Variants in LRRTM4 observed in about 807,000 individuals in gnomAD.
The protein encoded by LRRTM4 is leucine rich repeat transmembrane neuronal 4.
Under a neutral mutation model 47.6 loss-of-function variants are expected in LRRTM4, and 25 were observed. That is an observed-to-expected ratio of 0.53 (90% CI 0.38 to 0.73). LRRTM4 has a LOEUF of 0.73. LRRTM4 is among the 30% of genes least tolerant of loss of function. The pLI is 0.00. For synonymous variants in LRRTM4, 311 were observed against 269.5 expected (o/e 1.15, Z -1.51); for missense variants, 638 against 713.4 (o/e 0.89, Z 1.20).
At chr2:76,991,067 A>G (rs543378723) in intron 3 of LRRTM4, among the ~76,000 whole-genome samples, 3 of 151,958 alleles carry the variant, frequency 2.0e-5, no homozygotes, top group Non-Finnish European at 4.4e-5. Context: ...AAAGAAAATT[A>G]AGGCAGAAAG....
intron 3 of LRRTM4, among the ~76,000 whole-genome samples, chr2:77,063,829 G>A (rs1489289399): frequency 6.6e-6 from 1 of 151,916 alleles, no homozygotes; most frequent in Non-Finnish European, 1.5e-5. Context: ...CCTTCTCTTT[G>A]TGTTCTTCCC....
At chr2:76,794,321 A>ATTT (rs1675142044) in intron 3 of LRRTM4, among the ~76,000 whole-genome samples, 1 of 152,190 alleles carries the variant, frequency 6.6e-6, no homozygotes, top group Non-Finnish European at 1.5e-5. Context: ...TATGAAAGGA[A>ATTT]GTTATGTGTC....
intron 3 of LRRTM4, among the ~76,000 whole-genome samples, chr2:76,974,209 TAC>T (rs200336947): frequency 9.6e-5 from 7 of 73,030 alleles, no homozygotes; most frequent in African/African-American, 1.8e-4. Context: ...TATATATATA[TAC>T]ACATATATAT....
intron 3 of LRRTM4, among the ~76,000 whole-genome samples, chr2:76,879,437 T>A (rs1407649995): frequency 3.3e-5 from 5 of 152,200 alleles, no homozygotes; most frequent in Non-Finnish European, 5.9e-5. Context: ...CAACAAGGCC[T>A]AGAAGACAGA....
chr2:76,797,792 C>G (rs1172797097), intron 3 of LRRTM4, among the ~76,000 whole-genome samples: 2 of 149,754 alleles, frequency 1.3e-5, no homozygotes, highest in African/African-American at 5.0e-5. Flanking sequence ...CAATGGAAAA[C>G]AAAAAAAGGC....
At chr2:76,994,429 T>G (rs1316267635) in intron 3 of LRRTM4, among the ~76,000 whole-genome samples, 1 of 151,908 alleles carries the variant, frequency 6.6e-6, no homozygotes, top group Non-Finnish European at 1.5e-5. Context: ...TGCATTTCCT[T>G]AGTAGGATTG....
intron 3 of LRRTM4, among the ~76,000 whole-genome samples, chr2:77,200,869 C>G (rs1203743064): frequency 6.6e-6 from 1 of 152,096 alleles, no homozygotes; most frequent in Non-Finnish European, 1.5e-5. Context: ...TTATGACTTA[C>G]CACTTGCAAA....
At chr2:77,015,623 G>A (rs761092353) in intron 3 of LRRTM4, among the ~76,000 whole-genome samples, 18 of 151,406 alleles carry the variant, frequency 1.2e-4, no homozygotes, top group African/African-American at 2.4e-4. Context: ...CATGCCCGGC[G>A]GAAGTTTTAC....
At chr2:77,216,810 T>C (rs13411860) in intron 3 of LRRTM4, among the ~76,000 whole-genome samples, 30,415 of 149,392 alleles carry the variant, frequency 0.2, 5,887 homozygotes, top group African/African-American at 0.51. Context: ...CGGTGGCTCA[T>C]GCCTGTAATC....
At chr2:76,981,571 T>A (rs1573399632) in intron 3 of LRRTM4, among the ~76,000 whole-genome samples, 2 of 152,102 alleles carry the variant, frequency 1.3e-5, no homozygotes, top group Non-Finnish European at 2.9e-5. Context: ...CATAGCTCAC[T>A]GCAGCCTCAA....
At chr2:76,819,128 T>C (rs935189927) in intron 3 of LRRTM4, among the ~76,000 whole-genome samples, 5 of 151,700 alleles carry the variant, frequency 3.3e-5, no homozygotes, top group Non-Finnish European at 7.4e-5. Context: ...ATAACTAAAA[T>C]AAAGCTAAAT....
At chr2:76,945,136 T>C (rs968047936) in intron 3 of LRRTM4, among the ~76,000 whole-genome samples, 2 of 152,074 alleles carry the variant, frequency 1.3e-5, no homozygotes, top group African/African-American at 4.8e-5. Context: ...AAAATATAAG[T>C]ATGTAAAGGG....
chr2:76,943,967 A>C (rs1029323130), intron 3 of LRRTM4, among the ~76,000 whole-genome samples: 2 of 152,116 alleles, frequency 1.3e-5, no homozygotes, highest in African/African-American at 4.8e-5. Flanking sequence ...GACTATTTTT[A>C]AAGTTTTTTC....
intron 3 of LRRTM4, among the ~76,000 whole-genome samples, chr2:77,058,875 A>C (rs1679694399): frequency 6.6e-6 from 1 of 152,126 alleles, no homozygotes; most frequent in Non-Finnish European, 1.5e-5. Context: ...GTTCCTTTGA[A>C]TCTTAAGACA....
rs996355613 is a variant in LRRTM4 at position 77,070,408 on chromosome 2, CTATA to C, written c.1552-321496_1552-321493del. Among the ~76,000 whole-genome samples the C allele has an allele frequency of 2.0e-5, 3 of 151,904 alleles. No homozygotes were observed. In the East Asian group the frequency reaches 5.8e-4, roughly 29 times the overall value. ...GCCATTTTCATGGATGTCACTCTCT[CTATA>C]TATATATTTTAAAGATAAAACATAA... On this transcript the variant is annotated intron_variant, in intron 3 of 3. Coordinates refer to ENST00000409884, the MANE Select transcript of LRRTM4 (RefSeq NM_001134745.3).
intron 3 of LRRTM4, among the ~76,000 whole-genome samples, chr2:77,293,443 A>G (rs1676884638): frequency 6.6e-6 from 1 of 152,138 alleles, no homozygotes; most frequent in Non-Finnish European, 1.5e-5. Context: ...AGAAATCCCT[A>G]TAACGGAAAA....
chr2:77,265,149 A>T (rs1293786829), intron 3 of LRRTM4, among the ~76,000 whole-genome samples: 2 of 152,142 alleles, frequency 1.3e-5, no homozygotes. Flanking sequence ...TCAAGGCTAT[A>T]AAAGGTGATT....
chr2:76,775,467 G>C (rs978551652), intron 3 of LRRTM4, among the ~76,000 whole-genome samples: 1 of 152,110 alleles, frequency 6.6e-6, no homozygotes, highest in African/African-American at 2.4e-5. Context: ...AATATCAAAA[G>C]AACTCTAAAG....
chr2:77,335,405 C>T (rs1044366532), intron 3 of LRRTM4, among the ~76,000 whole-genome samples: 8 of 152,146 alleles, frequency 5.3e-5, no homozygotes, highest in Admixed American at 5.2e-4. Context: ...AAGCATGCTC[C>T]TGACTCAGGA....
Sources: gnomAD v4.1 joint callset for allele counts (sites outside exome capture counted in the v4.1 genomes callset) on GRCh38, gnomAD v4.1.1 for gene constraint, MANE v1.5 for transcripts, NCBI Gene and HGNC (gene_info 2026-07-23, HGNC 2026-07-21) for gene names.